PKDCC: variants seen among roughly 807,000 people sequenced by gnomAD.
The protein encoded by PKDCC is protein kinase domain containing, cytoplasmic.
A neutral mutation model predicts 44.7 loss-of-function variants in PKDCC; 35 were observed. That is an observed-to-expected ratio of 0.78 (90% CI 0.60 to 1.04). The LOEUF (loss-of-function observed/expected upper bound fraction) is 1.04. Ranked by LOEUF, PKDCC falls within the 50% of genes least tolerant of loss-of-function variation. The pLI is 0.00. For missense variants in PKDCC, 738 were observed against 672.7 expected (o/e 1.10, Z -1.07); for synonymous variants, 353 against 303.3 (o/e 1.16, Z -1.70).
rs1014054402 is a variant in PKDCC, at chr2:42,051,236, C to T, written c.640-2003C>T. Among the ~76,000 whole-genome samples, 8 of 151,836 alleles carry T rather than the reference C, an allele frequency of 5.3e-5. No homozygotes were observed. Among genetic ancestry groups the T allele is most frequent in the African/African-American group, 9.7e-5 (4 of 41,342 alleles). On this transcript the variant is annotated intron_variant, in intron 1 of 6. Coordinates refer to ENST00000294964, the MANE Select transcript of PKDCC (RefSeq NM_138370.3). This position sits in a 1 kb window ranked among gnomAD's most constrained non-coding sequence, Gnocchi z 4.2. Reference sequence around the variant, plus strand: ...CATTTTCTTTGACCCCTCCCCATCCCGCCCCTGACACACGCATACACACTC... The same window carrying T: ...CATTTTCTTTGACCCCTCCCCATCCTGCCCCTGACACACGCATACACACTC...
chr2:42,048,848 T>C lies in PKDCC; in HGVS notation c.639+10T>C. The stretch of plus-strand genomic sequence containing the variant: ...CCCCAACGTGCTGCAGGTACGAGGG[T>C]GGGGACGCGGGGGTAACGGTGTTGG... On this transcript the variant is annotated intron_variant, in intron 1 of 6. Transcript: ENST00000294964. The surrounding 1 kb of genome is among the most constrained non-coding windows in gnomAD (Gnocchi z 6.2). 1 of 1,455,266 alleles carries C rather than the reference T, an allele frequency of 6.9e-7. No homozygotes were observed. Among genetic ancestry groups the C allele is most frequent in the African/African-American group, 1.4e-5 (1 of 71,164 alleles). 90.1% of individuals were successfully genotyped at this position (1,455,266 alleles called of 1,614,324 possible). A position where few individuals can be genotyped will look rare whatever the true frequency, so the allele number is the denominator to read the frequency against.
intron 2 of PKDCC, chr2:42,053,608 G>A (rs1668005222): frequency 1.1e-5 from 6 of 557,624 alleles, no homozygotes; most frequent in Non-Finnish European, 1.9e-5. Context: ...GCTTGTGGGG[G>A]CTGGCACCTT....
In PKDCC at chr2:42,052,471, G is replaced by T. The variant is rs184187337; in HGVS notation, c.640-768G>T. Among the ~76,000 whole-genome samples the T allele has an allele frequency of 5.9e-5, 9 of 152,292 alleles. 1 individual carries two copies. The South Asian group carries it at 1.9e-3, about 32-fold the overall frequency. ...TTCTTAGAAAAAACAGATTGTGGCCGGGCGCAGTGGCTCACGCCTGTAATC... is the reference window on the plus strand; with the variant it reads ...TTCTTAGAAAAAACAGATTGTGGCCTGGCGCAGTGGCTCACGCCTGTAATC... On this transcript the variant is annotated intron_variant, in intron 1 of 6. Coordinates refer to ENST00000294964, the MANE Select transcript of PKDCC (RefSeq NM_138370.3). This position sits in a 1 kb window ranked among gnomAD's most constrained non-coding sequence, Gnocchi z 4.3.
rs566330548 is a variant in PKDCC at position 42,053,414 on chromosome 2, C to T, written c.762+53C>T. 6 of 1,550,028 alleles carry T rather than the reference C, an allele frequency of 3.9e-6. No homozygotes were observed. In the South Asian group the frequency reaches 7.5e-5, roughly 19 times the overall value. ...GGGCTCCTTGCTAGGATGGTTCTGC[C>T]TTAGAAGGCCAGCCCTCCAAAGCAG... On this transcript the variant is annotated intron_variant, in intron 2 of 6. Coordinates refer to ENST00000294964, the MANE Select transcript of PKDCC (RefSeq NM_138370.3).
chr2:42,052,844 C>T lies in PKDCC; in HGVS notation c.640-395C>T, dbSNP rs1485245673. 5.3e-5 allele frequency among the ~76,000 whole-genome samples: 8 copies of T among 152,140 alleles called. No homozygotes were observed. The highest frequency in any genetic ancestry group is 5.2e-4 in the Admixed American group (8 of 15,288). Reference sequence around the variant, plus strand: ...CTCCTACATTGATCAGCTGTGCGACCTTATGCAAGCAACTTAACCTCTCTG... The same window carrying T: ...CTCCTACATTGATCAGCTGTGCGACTTTATGCAAGCAACTTAACCTCTCTG... On this transcript the variant is annotated intron_variant, in intron 1 of 6. Transcript: ENST00000294964. The surrounding 1 kb of genome is among the most constrained non-coding windows in gnomAD (Gnocchi z 4.3).
rs182011630 is a variant in PKDCC at position 42,054,335 on chromosome 2, C to T, written c.1034+28C>T. The T allele has an allele frequency of 4.5e-5, 71 of 1,575,498 alleles. No homozygotes were observed. In the African/African-American group the frequency reaches 8.4e-4, roughly 19 times the overall value. On this transcript the variant is annotated intron_variant, in intron 3 of 6. Coordinates refer to ENST00000294964, the MANE Select transcript of PKDCC (RefSeq NM_138370.3). This position sits in a 1 kb window ranked among gnomAD's most constrained non-coding sequence, Gnocchi z 6.1. ...GACCTCCACCCCTGACTCGGGAACTCCATCGAAGGAGAATGGGCCAGGAGG... is the reference window on the plus strand; with the variant it reads ...GACCTCCACCCCTGACTCGGGAACTTCATCGAAGGAGAATGGGCCAGGAGG...
rs944871480 is a variant in PKDCC at position 42,052,622 on chromosome 2, G to A, written c.640-617G>A. ...AAATTAGCTGGGCATAGTGGCAAGC[G>A]CCTGTAATCCCAGCTACTCGGGAGG... On this transcript the variant is annotated intron_variant, in intron 1 of 6. Transcript: ENST00000294964. This position sits in a 1 kb window ranked among gnomAD's most constrained non-coding sequence, Gnocchi z 4.3. Among the ~76,000 whole-genome samples the A allele has an allele frequency of 2.0e-5, 3 of 151,900 alleles. No individual in the cohort carries two copies. Among genetic ancestry groups the A allele is most frequent in the South Asian group, 2.1e-4 (1 of 4,808 alleles).
Position 42,048,306 on chromosome 2 carries a change from G to A in PKDCC, c.107G>A (p.Gly36Asp). The A allele has an allele frequency of 8.1e-7, 1 of 1,238,670 alleles. No homozygotes were observed. The highest frequency in any genetic ancestry group is 2.4e-5 in the South Asian group (1 of 41,596). 76.7% of individuals were successfully genotyped at this position (1,238,670 alleles called of 1,614,324 possible). A position where few individuals can be genotyped will look rare whatever the true frequency, so the allele number is the denominator to read the frequency against. Residue 36 changes from glycine to aspartate, a missense_variant, in exon 1 of 7, where the codon GGC becomes GAC. By Grantham distance (94) the Gly-to-Asp change is moderately conservative (BLOSUM62 -1). Coordinates refer to ENST00000294964, the MANE Select transcript of PKDCC (RefSeq NM_138370.3). This position sits in a 1 kb window ranked among gnomAD's most constrained non-coding sequence, Gnocchi z 6.2. The part of the protein sequence containing the change: ...FAPGSEPPRP[G>D]QSPEPSPAPG... Reference sequence around the variant, plus strand: ...CCGGGCTCGGAGCCTCCGAGGCCAGGCCAGTCCCCTGAGCCTTCGCCGGCC... The same window carrying A: ...CCGGGCTCGGAGCCTCCGAGGCCAGACCAGTCCCCTGAGCCTTCGCCGGCC...
rs753801279 is a variant in PKDCC, at chr2:42,057,619, T to C, written c.1413T>C (p.Phe471=). The C allele has an allele frequency of 6.2e-7, 1 of 1,613,916 alleles. No individual in the cohort carries two copies. The highest frequency in any genetic ancestry group is 1.7e-5 in the Admixed American group (1 of 59,998). Reference sequence around the variant, plus strand: ...GCCCCCCAGGTCGGCAGCTGGTCTTTTTCAAGACTGGATGGAGCCAAGTGG... The same window carrying C: ...GCCCCCCAGGTCGGCAGCTGGTCTTCTTCAAGACTGGATGGAGCCAAGTGG... The part of the protein sequence containing the change: ...QTTWTGRQLV[F]FKTGWSQVVP... The change falls in exon 7 of 7, where the codon TTT becomes TTC. Residue 471 remains phenylalanine, a synonymous_variant. Transcript: ENST00000294964.
At position 42,052,405 on chromosome 2, in the gene PKDCC, A is replaced by T. The variant is rs931417733; in HGVS notation, c.640-834A>T. Among the ~76,000 whole-genome samples the T allele has an allele frequency of 6.6e-6, 1 of 152,196 alleles. No homozygotes were observed. The highest frequency in any genetic ancestry group is 2.4e-5 in the African/African-American group (1 of 41,438). ...CAGATTCAAGGAGGGGAGGAAGGAT[A>T]ATGTCCAACCGTATGCTCGCTTGTG... On this transcript the variant is annotated intron_variant, in intron 1 of 6. Transcript: ENST00000294964. The surrounding 1 kb of genome is among the most constrained non-coding windows in gnomAD (Gnocchi z 4.3).
In PKDCC at chr2:42,053,360, G is replaced by A. The variant is rs747965088; in HGVS notation, c.761G>A (p.Arg254Gln). 4.4e-5 allele frequency: 71 copies of A among 1,610,838 alleles called. No homozygotes were observed. The highest frequency in any genetic ancestry group is 6.7e-5 in the East Asian group (3 of 44,840). The change falls in exon 2 of 7, where the codon CGA (arginine) becomes CAA (glutamine). Residue 254 changes from arginine to glutamine, a missense_variant and splice_region_variant. Arg to Gln is a conservative substitution (Grantham distance 43, BLOSUM62 1). Coordinates refer to ENST00000294964, the MANE Select transcript of PKDCC (RefSeq NM_138370.3). ...CAAACTTCCTGGGAGGATCGATTCC[G>A]AGTGAGCTCAGAGGAGGGCTCGGGC... is the stretch of plus-strand genomic sequence containing the variant. Reference protein sequence around the residue: ...LLQTSWEDRFRICLSLGRLLH... With the variant: ...LLQTSWEDRFQICLSLGRLLH...
chr2:42,057,754 G>C lies in PKDCC; in HGVS notation c.*66G>C, dbSNP rs1009903924. The stretch of plus-strand genomic sequence containing the variant: ...AGCTGGGCTTGCCTGTGGAGGGAGT[G>C]ACTTGCACTGGCAGCACTGCATGTC... On this transcript the variant is annotated 3_prime_UTR_variant, in exon 7 of 7. Transcript: ENST00000294964. 7.2e-7 allele frequency: 1 copy of C among 1,392,314 alleles called. No homozygotes were observed. The highest frequency in any genetic ancestry group is 1.4e-5 in the African/African-American group (1 of 70,054). 86.2% of individuals were successfully genotyped at this position (1,392,314 alleles called of 1,614,324 possible). A position where few individuals can be genotyped will look rare whatever the true frequency, so the allele number is the denominator to read the frequency against.
At position 42,048,738 on chromosome 2, in the gene PKDCC, G is replaced by T. The variant is rs1301992108; in HGVS notation, c.539G>T (p.Arg180Leu). 9 of 1,574,526 alleles carry T rather than the reference G, an allele frequency of 5.7e-6. No homozygotes were observed. The highest frequency in any genetic ancestry group is 7.8e-6 in the Non-Finnish European group (9 of 1,160,622). Reference protein sequence around the residue: ...FSGHDLGSCVREFGVRRGCYR... With the variant: ...FSGHDLGSCVLEFGVRRGCYR... ...GGCCACGATCTGGGCAGCTGCGTGC[G>T]CGAGTTCGGGGTACGGAGGGGCTGC... Residue 180 changes from arginine (R) to leucine (L), a missense_variant, in exon 1 of 7, where the codon CGC (arginine) becomes CTC (leucine). Coordinates refer to ENST00000294964, the MANE Select transcript of PKDCC (RefSeq NM_138370.3). This position sits in a 1 kb window ranked among gnomAD's most constrained non-coding sequence, Gnocchi z 6.2.
chr2:42,050,576 C>G (rs1294498720), intron 1 of PKDCC, among the ~76,000 whole-genome samples: 1 of 152,162 alleles, frequency 6.6e-6, no homozygotes, highest in Non-Finnish European at 1.5e-5. Flanking sequence ...TGTCAGGCCC[C>G]CAGCCCAATT....
chr2:42,056,958 T>C (rs974401787), intron 5 of PKDCC, among the ~76,000 whole-genome samples: 2 of 152,146 alleles, frequency 1.3e-5, no homozygotes, highest in African/African-American at 2.4e-5. Context: ...GCCTGCTATC[T>C]TGTACTGCCT....
At chr2:42,057,441 C>T in intron 6 of PKDCC, 47 bp downstream of exon 6, 2 of 1,609,472 alleles carry the variant, frequency 1.2e-6, no homozygotes, top group East Asian at 2.2e-5. Flanking sequence ...CAGGACCTCT[C>T]TGGAGGTTGA....
rs1421204784 is a variant in PKDCC at position 42,048,609 on chromosome 2, A to C, written c.410A>C (p.Asn137Thr). 8 of 1,511,940 alleles carry C rather than the reference A, an allele frequency of 5.3e-6. No homozygotes were observed. The highest frequency in any genetic ancestry group is 1.8e-6 in the Non-Finnish European group (2 of 1,130,546). 93.7% of individuals were successfully genotyped at this position (1,511,940 alleles called of 1,614,324 possible). A position where few individuals can be genotyped will look rare whatever the true frequency, so the allele number is the denominator to read the frequency against. ...GPRLGCAALR[N>T]VSGAQYMGSG... Reference sequence around the variant, plus strand: ...CGCCTGGGCTGCGCCGCGCTTCGCAACGTGTCCGGCGCGCAGTACATGGGC... The same window carrying C: ...CGCCTGGGCTGCGCCGCGCTTCGCACCGTGTCCGGCGCGCAGTACATGGGC... Residue 137 changes from asparagine (N) to threonine (T), a missense_variant, in exon 1 of 7, where the codon AAC (asparagine) becomes ACC (threonine). By Grantham distance (65) the Asn-to-Thr change is moderately conservative (BLOSUM62 0). Coordinates refer to ENST00000294964, the MANE Select transcript of PKDCC (RefSeq NM_138370.3). The surrounding 1 kb of genome is among the most constrained non-coding windows in gnomAD (Gnocchi z 6.2).
Position 42,053,219 on chromosome 2 carries a change from C to T in PKDCC, c.640-20C>T. 1 of 1,358,422 alleles carries T rather than the reference C, an allele frequency of 7.4e-7. No homozygotes were observed. Among genetic ancestry groups the T allele is most frequent in the Non-Finnish European group, 1.0e-6 (1 of 977,292 alleles). The allele number at this position is 1,358,422 out of a possible 1,614,324, so 84.1% of individuals were successfully genotyped here. ...CACCCCCACCCTGTGACCTAATGAC[C>T]TGCCCTCGGCTTTCCCCAGCTCTAT... On this transcript the variant is annotated intron_variant, in intron 1 of 6. Coordinates refer to ENST00000294964, the MANE Select transcript of PKDCC (RefSeq NM_138370.3).
Position 42,057,949 on chromosome 2 carries a change from C to CT in PKDCC, c.*262dup, listed in dbSNP as rs1668085800. On this transcript the variant is annotated 3_prime_UTR_variant, in exon 7 of 7. Coordinates refer to ENST00000294964, the MANE Select transcript of PKDCC (RefSeq NM_138370.3). ...ATGACTGCCTCTCCAACCCTGTGGG[C>CT]TGTAAGCAAGCTCAGGCTAGTCTCC... The CT allele has an allele frequency of 2.0e-6, 1 of 504,330 alleles. No homozygotes were observed. Among genetic ancestry groups the CT allele is most frequent in the African/African-American group, 1.9e-5 (1 of 51,978 alleles). 31.2% of individuals were successfully genotyped at this position (504,330 alleles called of 1,614,324 possible).
Sources: gnomAD v4.1 joint callset for allele counts (sites outside exome capture counted in the v4.1 genomes callset) on GRCh38, gnomAD v4.1.1 for gene constraint, Gnocchi (gnomAD v3.1) non-coding constraint, MANE v1.5 for transcripts, NCBI Gene and HGNC (gene_info 2026-07-23, HGNC 2026-07-21) for gene names.